The following KIAA0586 variants were observed in gnomAD, a reference collection of about 807,000 sequenced individuals.
KIAA0586 encodes the protein protein TALPID3.
KIAA0586 carries 144 observed loss-of-function variants against 169.8 expected under a neutral mutation model. That is an observed-to-expected ratio of 0.85 (90% CI 0.74 to 0.97). The LOEUF is 0.97. Among genes scored for constraint, KIAA0586 ranks in the 50% least tolerant of loss-of-function variants. KIAA0586 has a pLI of 0.00. For missense variants in KIAA0586, 1,854 were observed against 1,823.0 expected (o/e 1.02, Z -0.31); for synonymous variants, 625 against 612.4 (o/e 1.02, Z -0.30).
At chr14:58,454,661 G>C (rs1399292447) in intron 9 of KIAA0586, among the ~76,000 whole-genome samples, 1 of 151,980 alleles carries the variant, frequency 6.6e-6, no homozygotes, top group Non-Finnish European at 1.5e-5. Flanking sequence ...CTTTTTCGTT[G>C]TCATTTAAAC....
the KIAA0586 span, among the ~76,000 whole-genome samples, chr14:58,560,255 C>T: frequency 6.6e-6 from 1 of 151,996 alleles, no homozygotes; most frequent in Non-Finnish European, 1.5e-5. Context: ...GATTGGGAAC[C>T]ATTACTAGAG....
intron 23 of KIAA0586, 111 bp from the exon 24 acceptor site, chr14:58,488,509 TA>T: frequency 3.9e-6 from 5 of 1,266,604 alleles, no homozygotes; most frequent in South Asian, 1.5e-5. Context: ...AGTGCAGATT[TA>T]AAAAAATATT....
intron 29 of KIAA0586, among the ~76,000 whole-genome samples, chr14:58,537,526 GA>G (rs756738227): frequency 1.9e-4 from 29 of 152,228 alleles, no homozygotes; most frequent in Admixed American, 3.9e-4. Context: ...ATTTGAAAGG[GA>G]GCTCTATTAA....
rs147825781 is a variant in KIAA0586, at chr14:58,537,743, G to A, written c.4430-2328G>A. On this transcript the variant is annotated intron_variant, in intron 29 of 30. Coordinates refer to ENST00000652326, the MANE Select transcript of KIAA0586 (RefSeq NM_001329943.3). ...GCTCACTGCAAGATCAGCCTCCCAGGTTCACGCCATTCTCCTGCCTCAGCC... is the reference window on the plus strand; with the variant it reads ...GCTCACTGCAAGATCAGCCTCCCAGATTCACGCCATTCTCCTGCCTCAGCC... Among the ~76,000 whole-genome samples the A allele has an allele frequency of 3.4e-3, 521 of 152,130 alleles. 21 individuals carry two copies. In the East Asian group the frequency reaches 0.086, roughly 25 times the overall value.
intron 19 of KIAA0586, among the ~76,000 whole-genome samples, chr14:58,476,644 T>C (rs1743709): frequency 0.98 from 146,622 of 150,038 alleles, 71,732 homozygotes; most frequent in Non-Finnish European, 1. Flanking sequence ...TTCTGTTTAG[T>C]GTGTTTTATC....
At position 58,537,114 on chromosome 14, in the gene KIAA0586, G is replaced by T. The variant is rs902914136; in HGVS notation, c.4430-2957G>T. 10 of 1,223,584 alleles carry T rather than the reference G, an allele frequency of 8.2e-6. No homozygotes were observed. The Admixed American group carries it at 1.7e-4, about 21-fold the overall frequency. The allele number at this position is 1,223,584 out of a possible 1,614,324, so 75.8% of individuals were successfully genotyped here. A position where few individuals can be genotyped will look rare whatever the true frequency, so the allele number is the denominator to read the frequency against. On this transcript the variant is annotated intron_variant, in intron 29 of 30. Coordinates refer to ENST00000652326, the MANE Select transcript of KIAA0586 (RefSeq NM_001329943.3). Reference sequence around the variant, plus strand: ...GTGTTTGCTGTTTTAATCATCAACTGCAGAGCACAATACTCACCCTTCCAG... The same window carrying T: ...GTGTTTGCTGTTTTAATCATCAACTTCAGAGCACAATACTCACCCTTCCAG...
rs1339340437 is a variant in KIAA0586 at position 58,445,122 on chromosome 14, T to TAC, written c.807+949_807+950dup. On this transcript the variant is annotated intron_variant, in intron 6 of 30. Coordinates refer to ENST00000652326, the MANE Select transcript of KIAA0586 (RefSeq NM_001329943.3). ...AAAAAGAACTATATACACACACACA[T>TAC]ACATACACACACACACACACACACA... Among the ~76,000 whole-genome samples, 8 of 142,884 alleles carry TAC rather than the reference T, an allele frequency of 5.6e-5. No homozygotes were observed. In the Admixed American group the frequency reaches 5.7e-4, roughly 10 times the overall value. 93.7% of individuals were successfully genotyped at this position (142,884 alleles called of 152,430 possible). A position where few individuals can be genotyped will look rare whatever the true frequency, so the allele number is the denominator to read the frequency against.
chr14:58,481,738 G>A (rs1272135524), intron 20 of KIAA0586, among the ~76,000 whole-genome samples: 1 of 151,982 alleles, frequency 6.6e-6, no homozygotes, highest in Non-Finnish European at 1.5e-5. Flanking sequence ...AGATACATTT[G>A]TATTTTCATT....
At chr14:58,529,581 C>T (rs953211070) in intron 29 of KIAA0586, among the ~76,000 whole-genome samples, 1 of 152,144 alleles carries the variant, frequency 6.6e-6, no homozygotes, top group African/African-American at 2.4e-5. Context: ...TGATCCATCA[C>T]ATAAACAGAA....
At chr14:58,456,865 G>T (rs1212066157) in intron 10 of KIAA0586, 55 bp downstream of exon 10, 42 of 930,294 alleles carry the variant, frequency 4.5e-5, no homozygotes, top group South Asian at 1.5e-5. Context: ...AATTAAAAAG[G>T]AATAAAAGAG....
At chr14:58,525,506 G>T (rs144726358) in intron 29 of KIAA0586, among the ~76,000 whole-genome samples, 1 of 152,098 alleles carries the variant, frequency 6.6e-6, no homozygotes, top group Admixed American at 6.5e-5. Flanking sequence ...GGACTGTGCC[G>T]TGAGAAACGG....
chr14:58,456,878 A>G, intron 10 of KIAA0586, 68 bp downstream of exon 10: 1 of 856,808 alleles, frequency 1.2e-6, no homozygotes, highest in Admixed American at 2.4e-5. Context: ...TAAAAGAGTT[A>G]TAAAGATAGA....
chr14:58,465,629 G>C (rs2040696419), intron 14 of KIAA0586, among the ~76,000 whole-genome samples: 1 of 152,150 alleles, frequency 6.6e-6, no homozygotes, highest in South Asian at 2.1e-4. Flanking sequence ...TTACAGCTGA[G>C]ATCACGTGGC....
intron 9 of KIAA0586, among the ~76,000 whole-genome samples, chr14:58,455,866 T>C (rs1422043558): frequency 6.6e-6 from 1 of 152,164 alleles, no homozygotes; most frequent in East Asian, 1.9e-4. Context: ...GCCCTGTATG[T>C]GGACTAGAAG....
Position 58,450,601 on chromosome 14 carries a change from T to C in KIAA0586, c.984T>C (p.Asp328=), listed in dbSNP as rs780468048. The change falls in exon 8 of 31, where the codon GAT becomes GAC. Residue 328 remains aspartate, a synonymous_variant. Coordinates refer to ENST00000652326, the MANE Select transcript of KIAA0586 (RefSeq NM_001329943.3). ...SKQAPLKEVE[D]TSFDKQKSPL... ...AAGCACCTTTAAAAGAAGTTGAAGA[T>C]ACGAGTTTTGATAAACAGAAATCTC... 1 of 1,607,372 alleles carries C rather than the reference T, an allele frequency of 6.2e-7. No homozygotes were observed. Among genetic ancestry groups the C allele is most frequent in the South Asian group, 1.1e-5 (1 of 89,572 alleles).
rs2040718462 is a variant in KIAA0586, at chr14:58,465,855, A to G, written c.2080A>G (p.Arg694Gly). Residue 694 changes from arginine to glycine, a missense_variant, in exon 15 of 31, where the codon AGA becomes GGA. Transcript: ENST00000652326. ...TATAGGCACTAAGGTAAAGTCAATA[A>G]GAACACAGACTGACTTCTATGCAAC... ...RVKGTKVKSI[R>G]TQTDFYATKP... 1.2e-6 allele frequency: 2 copies of G among 1,604,822 alleles called. No individual in the cohort carries two copies. Among genetic ancestry groups the G allele is most frequent in the South Asian group, 1.1e-5 (1 of 88,894 alleles).
At chr14:58,526,127 G>A (rs11848599) in intron 29 of KIAA0586, among the ~76,000 whole-genome samples, 1,623 of 152,332 alleles carry the variant, frequency 0.011, 31 homozygotes, top group African/African-American at 0.037. Context: ...GCGGCTGTGG[G>A]TGCAGCTTCA....
At position 58,456,769 on chromosome 14, in the gene KIAA0586, G is replaced by T; in HGVS notation, c.1321G>T (p.Asp441Tyr). ...TMQKSDDVLH[D>Y]LGQKEKETNS... ...GCAGAAGTCTGATGATGTTCTTCAT[G>T]ACCTTGGCCAAAAAGAGAAAGAAAC... Residue 441 changes from aspartate to tyrosine, a missense_variant, in exon 10 of 31, where the codon GAC becomes TAC. Asp to Tyr is a radical substitution (Grantham distance 160, BLOSUM62 -3). Transcript: ENST00000652326. The T allele has an allele frequency of 6.2e-7, 1 of 1,604,486 alleles. No individual in the cohort carries two copies. The highest frequency in any genetic ancestry group is 8.5e-7 in the Non-Finnish European group (1 of 1,174,904).
intron 11 of KIAA0586, 80 bp downstream of exon 11, chr14:58,458,059 T>C (rs2040025302): frequency 1.1e-6 from 1 of 875,908 alleles, no homozygotes; most frequent in African/African-American, 1.7e-5. Flanking sequence ...AAGCACTGTA[T>C]TTTCCTATTA....
Sources: allele counts gnomAD v4.1 joint callset (sites outside exome capture counted in the v4.1 genomes callset), GRCh38; gene constraint gnomAD v4.1.1; transcripts MANE v1.5; gene names NCBI Gene and HGNC (gene_info 2026-07-23, HGNC 2026-07-21).